Variants in ELFN1 observed in about 807,000 individuals in gnomAD.
The protein encoded by ELFN1 is protein ELFN1.
ELFN1 carries 6 observed loss-of-function variants against 7.6 expected under a neutral mutation model. The ratio of observed to expected loss-of-function variants is 0.79; its 90% CI spans 0.43 to 1.56. The LOEUF is 1.56. Ranked by LOEUF, ELFN1 falls within the 40% of genes most tolerant of loss-of-function variation. The pLI, the probability that ELFN1 is intolerant of heterozygous loss-of-function variation, is 0.01. For synonymous variants in ELFN1, 657 were observed against 588.1 expected (o/e 1.12, Z -1.70); for missense variants, 1,169 against 1,232.2 (o/e 0.95, Z 0.77).
chr7:1,688,731 C>G (rs1237523148), intron 2 of ELFN1, among the ~76,000 whole-genome samples: 2 of 152,136 alleles, frequency 1.3e-5, no homozygotes, highest in East Asian at 3.9e-4. Context: ...CAACATCTTA[C>G]AAAACTATAG....
chr7:1,744,886 G>A lies in ELFN1; in HGVS notation c.290G>A (p.Gly97Asp), dbSNP rs1780730978. The part of the protein sequence containing the change: ...TYLNLTKNEI[G>D]YIEDGAFSGQ... ...CTCAACCTCACCAAGAACGAGATCG[G>A]CTACATCGAGGACGGCGCCTTCTCG... The change falls in exon 4 of 4, where the codon GGC (glycine) becomes GAC (aspartate). Residue 97 changes from glycine to aspartate, a missense_variant. Around this residue, in one of 2 missense-constraint regions of ELFN1, gnomAD observed 255 missense variants for 359.6 expected, o/e 0.71. Coordinates refer to ENST00000424383, the MANE Select transcript of ELFN1 (RefSeq NM_001128636.4). 6.4e-7 allele frequency: 1 copy of A among 1,564,014 alleles called. No individual in the cohort carries two copies. The highest frequency in any genetic ancestry group is 1.2e-5 in the South Asian group (1 of 84,954).
Position 1,745,328 on chromosome 7 carries a change from C to CA in ELFN1, c.735dup (p.Leu246ThrfsTer13). Reference sequence around the variant, plus strand: ...GCCGCGGCCACCGCAGCATCCTCAGCAAACTGCAGTCAGTCTGCACCGAGG... The same window carrying CA: ...GCCGCGGCCACCGCAGCATCCTCAGCAAAACTGCAGTCAGTCTGCACCGAGG... On this transcript the variant is annotated frameshift_variant, in exon 4 of 4. Coordinates refer to ENST00000424383, the MANE Select transcript of ELFN1 (RefSeq NM_001128636.4). LOFTEE classifies it low-confidence loss of function (END_TRUNC). The CA allele has an allele frequency of 6.5e-7, 1 of 1,539,810 alleles. No homozygotes were observed. Among genetic ancestry groups the CA allele is most frequent in the South Asian group, 1.2e-5 (1 of 84,038 alleles).
chr7:1,706,456 A>C (rs1320060994), intron 2 of ELFN1, among the ~76,000 whole-genome samples: 1 of 150,872 alleles, frequency 6.6e-6, no homozygotes, highest in Admixed American at 6.6e-5. Flanking sequence ...AAACAAAACA[A>C]AACAAAACAA....
Position 1,675,738 on chromosome 7 carries a change from T to C in ELFN1, c.-549+5384T>C, listed in dbSNP as rs544710844. On this transcript the variant is annotated intron_variant, in intron 1 of 3. Transcript: ENST00000424383. Reference sequence around the variant, plus strand: ...TGCAGAGCACACAGTGAGGCGTCGCTGGCCCGGAGGGACGAGTCAAGGACA... The same window carrying C: ...TGCAGAGCACACAGTGAGGCGTCGCCGGCCCGGAGGGACGAGTCAAGGACA... 3.1e-3 allele frequency among the ~76,000 whole-genome samples: 470 copies of C among 152,278 alleles called. 6 individuals are homozygous for C. The highest frequency in any genetic ancestry group is 0.011 in the African/African-American group (452 of 41,554).
intron 1 of ELFN1, among the ~76,000 whole-genome samples, chr7:1,676,242 C>T (rs1778868302): frequency 6.6e-6 from 1 of 152,214 alleles, no homozygotes; most frequent in African/African-American, 2.4e-5. Context: ...AGGCCTCTGC[C>T]CTCCTCACTG....
At chr7:1,725,767 G>T (rs1780174278) in intron 3 of ELFN1, among the ~76,000 whole-genome samples, 1 of 152,138 alleles carries the variant, frequency 6.6e-6, no homozygotes, top group South Asian at 2.1e-4. Flanking sequence ...GGCTGGAGGG[G>T]CCAGAGAACA....
chr7:1,729,524 T>C (rs1197195176), intron 3 of ELFN1, among the ~76,000 whole-genome samples: 2 of 152,204 alleles, frequency 1.3e-5, no homozygotes, highest in South Asian at 4.1e-4. Flanking sequence ...ACCTGGTGGC[T>C]GCTTCTAGGA....
rs777457873 is a variant in ELFN1, at chr7:1,744,800, C to T, written c.204C>T (p.Asn68=). The T allele has an allele frequency of 1.0e-5, 16 of 1,558,694 alleles. No individual in the cohort carries two copies. The highest frequency in any genetic ancestry group is 8.2e-5 in the African/African-American group (6 of 73,468). ...INSTIVDLRL[N]ENRIRSVQYA... Reference sequence around the variant, plus strand: ...GCACCATCGTGGACCTGCGGCTCAACGAGAACCGTATCCGCAGCGTGCAGT... The same window carrying T: ...GCACCATCGTGGACCTGCGGCTCAATGAGAACCGTATCCGCAGCGTGCAGT... Residue 68 remains asparagine, a synonymous_variant, in exon 4 of 4, where the codon AAC becomes AAT. Transcript: ENST00000424383.
At chr7:1,717,166 A>T (rs1036749451) in intron 3 of ELFN1, among the ~76,000 whole-genome samples, 3 of 152,206 alleles carry the variant, frequency 2.0e-5, no homozygotes, top group Non-Finnish European at 4.4e-5. Context: ...CGCAGGAAAT[A>T]GAGGCAGACA....
intron 3 of ELFN1, among the ~76,000 whole-genome samples, chr7:1,743,563 AGG>A (rs1416844743): frequency 6.6e-6 from 1 of 152,116 alleles, no homozygotes; most frequent in Admixed American, 6.5e-5. Context: ...TGAGGCCCAG[AGG>A]GGGCACAGCG....
Position 1,673,091 on chromosome 7 carries a change from C to CT in ELFN1, c.-549+2737_-549+2738insT, listed in dbSNP as rs1488591226. On this transcript the variant is annotated intron_variant, in intron 1 of 3. Transcript: ENST00000424383. This position sits in a 1 kb window ranked among gnomAD's most constrained non-coding sequence, Gnocchi z 4.7. ...CATTTGTCATCTCTCCAGCGCCCCC[C>CT]CCCGCTCTTTCCTTTTTGTTTTTGT... is the stretch of plus-strand genomic sequence containing the variant. 2.1e-5 allele frequency among the ~76,000 whole-genome samples: 2 copies of CT among 93,864 alleles called. No homozygotes were observed. The highest frequency in any genetic ancestry group is 9.2e-5 in the African/African-American group (1 of 10,926). The allele number at this position is 93,864 out of a possible 152,430, so 61.6% of individuals were successfully genotyped here. A position where few individuals can be genotyped will look rare whatever the true frequency, so the allele number is the denominator to read the frequency against.
intron 3 of ELFN1, among the ~76,000 whole-genome samples, chr7:1,710,250 G>A (rs981675593): frequency 1.8e-4 from 28 of 152,160 alleles, no homozygotes; most frequent in African/African-American, 6.8e-4. Context: ...GGGAATTTTC[G>A]GGTTCTCTCC....
intron 2 of ELFN1, among the ~76,000 whole-genome samples, chr7:1,697,735 C>T (rs1212265270): frequency 3.9e-5 from 6 of 152,184 alleles, no homozygotes; most frequent in East Asian, 1.9e-4. Context: ...GCTGCCTGCC[C>T]GTGAACACAT....
In ELFN1 at chr7:1,705,064, G is replaced by T. The variant is rs1779503085; in HGVS notation, c.-455-4027G>T. The stretch of plus-strand genomic sequence containing the variant: ...GAGGGCAGAGGTGGAGACCTGCTGG[G>T]GTGGGGGGCGCGTACTGGAGAACAG... On this transcript the variant is annotated intron_variant, in intron 2 of 3. Coordinates refer to ENST00000424383, the MANE Select transcript of ELFN1 (RefSeq NM_001128636.4). This position sits in a 1 kb window ranked among gnomAD's most constrained non-coding sequence, Gnocchi z 4.3. Among the ~76,000 whole-genome samples the T allele has an allele frequency of 6.6e-6, 1 of 152,164 alleles. No homozygotes were observed. Among genetic ancestry groups the T allele is most frequent in the Non-Finnish European group, 1.5e-5 (1 of 68,010 alleles).
At chr7:1,666,982 G>GGGGCT (rs1208739556), upstream of ELFN1, among the ~76,000 whole-genome samples, 3 of 152,026 alleles carry the variant, frequency 2.0e-5, no homozygotes, top group African/African-American at 7.2e-5. This position sits in a 1 kb window ranked among gnomAD's most constrained non-coding sequence, Gnocchi z 7.9. Flanking sequence ...CTGGCGCGGC[G>GGGGCT]GGGCTGGGCT....
chr7:1,718,676 T>C (rs1311386338), intron 3 of ELFN1, among the ~76,000 whole-genome samples: 1 of 152,066 alleles, frequency 6.6e-6, no homozygotes, highest in Non-Finnish European at 1.5e-5. Flanking sequence ...ACCTGGAGAC[T>C]CTCCCATCTG....
At chr7:1,703,009 C>G (rs1779459768) in intron 2 of ELFN1, among the ~76,000 whole-genome samples, 1 of 152,226 alleles carries the variant, frequency 6.6e-6, no homozygotes, top group South Asian at 2.1e-4. Context: ...GCCAATTTCA[C>G]CACAACCGTG....
chr7:1,696,799 C>G (rs760759320), intron 2 of ELFN1, among the ~76,000 whole-genome samples: 6 of 152,200 alleles, frequency 3.9e-5, no homozygotes, highest in African/African-American at 1.2e-4. Context: ...GCTGCCTCCT[C>G]TCATCAGCCG....
intron 3 of ELFN1, among the ~76,000 whole-genome samples, chr7:1,722,562 C>T (rs896030688): frequency 1.1e-4 from 16 of 151,888 alleles, no homozygotes; most frequent in African/African-American, 3.6e-4. Flanking sequence ...TGAGCCACCG[C>T]GCCTGGGCAG....
Sources: gnomAD v4.1 joint callset for allele counts (sites outside exome capture counted in the v4.1 genomes callset) on GRCh38, gnomAD v4.1.1 for gene constraint, gnomAD v4.1.1 regional missense constraint, Gnocchi (gnomAD v3.1) non-coding constraint, MANE v1.5 for transcripts, NCBI Gene and HGNC (gene_info 2026-07-23, HGNC 2026-07-21) for gene names.